NEK7: variants seen among roughly 807,000 people sequenced by gnomAD.
NEK7 encodes NIMA related kinase 7, also known as serine/threonine-protein kinase Nek7.
NEK7 carries 18 observed loss-of-function variants against 44.6 expected under a neutral mutation model. The observed-to-expected ratio is 0.40, with a 90% CI of 0.28 to 0.60. NEK7 has a LOEUF of 0.60. Among genes scored for constraint, NEK7 ranks in the 20% least tolerant of loss-of-function variants. The pLI, the probability that NEK7 is intolerant of heterozygous loss-of-function variation, is 0.38. For missense variants in NEK7, 256 were observed against 366.5 expected, an observed-to-expected ratio of 0.70 and a Z score of 2.46; for synonymous variants, 130 against 121.1, an observed-to-expected ratio of 1.07 and a Z score of -0.48.
chr1:198,215,620 T>G (rs1172469175), intron 1 of NEK7, among the ~76,000 whole-genome samples: 2 of 152,140 alleles, frequency 1.3e-5, no homozygotes, highest in African/African-American at 4.8e-5. Flanking sequence ...ATTGGCAGAA[T>G]GGATAAAATA....
chr1:198,273,245 G>A (rs1356893553), intron 5 of NEK7, among the ~76,000 whole-genome samples: 1 of 151,602 alleles, frequency 6.6e-6, no homozygotes, highest in Non-Finnish European at 1.5e-5. Context: ...ACCTTCTAAT[G>A]CAACTTAAGA....
intron 6 of NEK7, among the ~76,000 whole-genome samples, 153 bp from the exon 7 acceptor site, chr1:198,278,801 A>G (rs1275970225): frequency 6.6e-6 from 1 of 151,964 alleles, no homozygotes; most frequent in East Asian, 1.9e-4. Context: ...ATTAGGATAT[A>G]TCAGAATTAT....
chr1:198,245,196 A>G (rs1447522509), intron 2 of NEK7: 2 of 161,456 alleles, frequency 1.2e-5, no homozygotes, highest in African/African-American at 5.8e-5. Flanking sequence ...TAGGCAGAGG[A>G]GAAGGAGAAA....
chr1:198,259,159 T>C (rs904103752), intron 3 of NEK7, among the ~76,000 whole-genome samples: 1 of 152,216 alleles, frequency 6.6e-6, no homozygotes, highest in African/African-American at 2.4e-5. Flanking sequence ...AGTCAATTTG[T>C]AATTCTAAAT....
At chr1:198,303,510 G>A (rs957103633) in intron 9 of NEK7, among the ~76,000 whole-genome samples, 1 of 151,832 alleles carries the variant, frequency 6.6e-6, no homozygotes, top group Non-Finnish European at 1.5e-5. Context: ...CAAGATGAAA[G>A]TGTCAGGTAG....
chr1:198,194,180 T>C lies in NEK7; in HGVS notation c.-29+36904T>C, dbSNP rs971015092. 2.6e-5 allele frequency among the ~76,000 whole-genome samples: 4 copies of C among 152,266 alleles called. 1 individual carries two copies. The South Asian group carries it at 6.2e-4, about 24-fold the overall frequency. ...TTATGAACTTTATTGGAAATCCGGA[T>C]GGAGATGTTTAGGAGAGAGGTTGAA... On this transcript the variant is annotated intron_variant, in intron 1 of 9. Coordinates refer to ENST00000367385, the MANE Select transcript of NEK7 (RefSeq NM_133494.3).
chr1:198,202,750 C>T (rs1020026184), intron 1 of NEK7, among the ~76,000 whole-genome samples: 2 of 152,142 alleles, frequency 1.3e-5, no homozygotes, highest in Admixed American at 6.5e-5. Context: ...TTATTCACTA[C>T]CATGAGAGCA....
At chr1:198,246,955 T>C (rs1210840129) in intron 2 of NEK7, among the ~76,000 whole-genome samples, 1 of 152,244 alleles carries the variant, frequency 6.6e-6, no homozygotes. Context: ...TAGGAAATCA[T>C]AGACAATTTA....
chr1:198,223,877 C>T (rs916051897), intron 1 of NEK7, among the ~76,000 whole-genome samples: 2 of 151,904 alleles, frequency 1.3e-5, no homozygotes, highest in Non-Finnish European at 2.9e-5. Flanking sequence ...CTAAATAACT[C>T]AGTGGACTAA....
At chr1:198,278,286 C>CAGT in intron 6 of NEK7, among the ~76,000 whole-genome samples, 1 of 151,294 alleles carries the variant, frequency 6.6e-6, no homozygotes, top group Middle Eastern at 3.4e-3. Flanking sequence ...TCTTACTAAC[C>CAGT]AGTAAGATGC....
At chr1:198,301,507 G>A (rs1000396596) in intron 9 of NEK7, among the ~76,000 whole-genome samples, 4 of 152,230 alleles carry the variant, frequency 2.6e-5, no homozygotes, top group African/African-American at 4.8e-5. Context: ...CCGAGATCGC[G>A]CCACTGCGTT....
At chr1:198,274,251 T>A (rs1653946658) in intron 5 of NEK7, among the ~76,000 whole-genome samples, 1 of 151,392 alleles carries the variant, frequency 6.6e-6, no homozygotes. Flanking sequence ...GGATTGCATT[T>A]TTTTGTTTGT....
intron 1 of NEK7, among the ~76,000 whole-genome samples, chr1:198,224,665 A>T (rs1399511986): frequency 2.0e-5 from 3 of 151,820 alleles, no homozygotes; most frequent in African/African-American, 4.8e-5. Flanking sequence ...TATATATATA[A>T]AATGGGCTTA....
chr1:198,312,038 G>T (rs978366850), intron 9 of NEK7, among the ~76,000 whole-genome samples: 1 of 152,122 alleles, frequency 6.6e-6, no homozygotes, highest in African/African-American at 2.4e-5. Context: ...TGTACCTCTG[G>T]TAGAATTCGG....
At chr1:198,235,518 TTAAAAA>T (rs754221982) in intron 2 of NEK7, among the ~76,000 whole-genome samples, 13 of 152,136 alleles carry the variant, frequency 8.5e-5, no homozygotes, top group Non-Finnish European at 1.5e-4. Flanking sequence ...ATTTAGCTTT[TTAAAAA>T]TAAAAATAAA....
chr1:198,197,963 G>A (rs1665293052), intron 1 of NEK7: 2 of 1,541,204 alleles, frequency 1.3e-6, no homozygotes, highest in African/African-American at 2.7e-5. Flanking sequence ...GGGTATGGAG[G>A]AGGGTAGGGA....
At chr1:198,229,576 A>AT (rs1404212350) in intron 1 of NEK7, among the ~76,000 whole-genome samples, 4 of 152,150 alleles carry the variant, frequency 2.6e-5, no homozygotes, top group Non-Finnish European at 5.9e-5. Context: ...TTGGAATTGA[A>AT]TTGGAGGAAA....
intron 1 of NEK7, among the ~76,000 whole-genome samples, chr1:198,174,333 T>A (rs1664537033): frequency 1.3e-5 from 2 of 152,028 alleles, no homozygotes; most frequent in African/African-American, 2.4e-5. Flanking sequence ...AATTTTACGT[T>A]TTTGAAATCT....
intron 2 of NEK7, among the ~76,000 whole-genome samples, chr1:198,247,117 T>G (rs1666855046): frequency 6.6e-6 from 1 of 152,226 alleles, no homozygotes; most frequent in South Asian, 2.1e-4. Flanking sequence ...AATTGTAAAT[T>G]CAATGGCTAT....
Sources: allele counts gnomAD v4.1 joint callset (sites outside exome capture counted in the v4.1 genomes callset), GRCh38; gene constraint gnomAD v4.1.1; transcripts MANE v1.5; gene names NCBI Gene and HGNC (gene_info 2026-07-23, HGNC 2026-07-21).